Variants in MYO7B observed in about 807,000 individuals in gnomAD.
The protein encoded by MYO7B is myosin VIIB, also known as unconventional myosin-VIIb.
In MYO7B, 212 loss-of-function variants were observed where a neutral mutation model predicts 259.7. The observed-to-expected ratio is 0.82, with a 90% CI of 0.73 to 0.91. MYO7B has a LOEUF of 0.91. Ranked by LOEUF, MYO7B falls within the 40% of genes least tolerant of loss-of-function variation. The pLI, the probability that MYO7B is intolerant of heterozygous loss-of-function variation, is 0.00. For missense variants in MYO7B, 2,732 were observed against 2,813.5 expected (o/e 0.97, Z 0.66); for synonymous variants, 1,197 against 1,166.4 (o/e 1.03, Z -0.54).
At chr2:127,601,374 G>A (rs1220674441) in intron 19 of MYO7B, among the ~76,000 whole-genome samples, 1 of 152,172 alleles carries the variant, frequency 6.6e-6, no homozygotes, top group African/African-American at 2.4e-5. Flanking sequence ...TATTGTTGCT[G>A]ATTTTCTGTC....
At chr2:127,555,979 G>T (rs566482276) in intron 1 of MYO7B, among the ~76,000 whole-genome samples, 1 of 152,192 alleles carries the variant, frequency 6.6e-6, no homozygotes, top group Non-Finnish European at 1.5e-5. Context: ...GACCTGCCTA[G>T]TGCTGCCAGT....
rs1461847021 is a variant in MYO7B at position 127,607,392 on chromosome 2, G to A, written c.2611G>A (p.Ala871Thr). 6.4e-7 allele frequency: 1 copy of A among 1,551,260 alleles called. No homozygotes were observed. The highest frequency in any genetic ancestry group is 1.2e-5 in the South Asian group (1 of 84,054). Reference protein sequence around the residue: ...VIQAHARGMAARRNFQQRKAN... With the variant: ...VIQAHARGMATRRNFQQRKAN... ...TCAGGCCCATGCCAGGGGCATGGCT[G>A]CCCGGCGCAACTTCCAGCAAAGGAA... is the stretch of plus-strand genomic sequence containing the variant. Residue 871 changes from alanine (A) to threonine (T), a missense_variant, in exon 21 of 48, where the codon GCC (alanine) becomes ACC (threonine). Coordinates refer to ENST00000409816, the MANE Select transcript of MYO7B (RefSeq NM_001393586.1). This position sits in a 1 kb window ranked among gnomAD's most constrained non-coding sequence, Gnocchi z 4.4.
intron 40 of MYO7B, among the ~76,000 whole-genome samples, chr2:127,633,834 G>T (rs1388027611): frequency 1.3e-5 from 2 of 152,164 alleles, no homozygotes; most frequent in Admixed American, 6.5e-5. Context: ...GGGCTGAGAG[G>T]CCAAAGTGGG....
rs892203835 is a variant in MYO7B, at chr2:127,636,129, G to A, written c.6007-79G>A. 90 of 1,249,988 alleles carry A rather than the reference G, an allele frequency of 7.2e-5. No homozygotes were observed. The Admixed American group carries it at 1.7e-3, about 23-fold the overall frequency. The allele number at this position is 1,249,988 out of a possible 1,614,324, so 77.4% of individuals were successfully genotyped here. On this transcript the variant is annotated intron_variant, in intron 44 of 47. Transcript: ENST00000409816. The surrounding 1 kb of genome is among the most constrained non-coding windows in gnomAD (Gnocchi z 4.5). ...CCCCTCCCCACCGTACTAGCCCTGG[G>A]GTAGGCAGGTGCTGCCCCCACCAGG...
chr2:127,563,761 G>T (rs1247340550), intron 2 of MYO7B, among the ~76,000 whole-genome samples: 1 of 152,158 alleles, frequency 6.6e-6, no homozygotes, highest in Non-Finnish European at 1.5e-5. Context: ...TTGCTTGTGG[G>T]TGATTTCTGA....
intron 1 of MYO7B, among the ~76,000 whole-genome samples, chr2:127,541,864 G>A (rs1217480983): frequency 6.6e-6 from 1 of 152,232 alleles, no homozygotes; most frequent in Non-Finnish European, 1.5e-5. Context: ...CTCTCCAAGA[G>A]CAGGGTCTCT....
chr2:127,562,302 T>TA (rs1678122510), intron 2 of MYO7B, among the ~76,000 whole-genome samples: 1 of 152,044 alleles, frequency 6.6e-6, no homozygotes, highest in Admixed American at 6.5e-5. Context: ...TTTTATTTTT[T>TA]ATTTATGTAT....
intron 14 of MYO7B, among the ~76,000 whole-genome samples, chr2:127,587,321 G>A (rs1679342885): frequency 6.6e-6 from 1 of 152,248 alleles, no homozygotes; most frequent in South Asian, 2.1e-4. Context: ...TCACCCGCTG[G>A]AGCCATGCCT....
At chr2:127,563,001 G>T (rs1472522892) in intron 2 of MYO7B, among the ~76,000 whole-genome samples, 1 of 152,068 alleles carries the variant, frequency 6.6e-6, no homozygotes, top group East Asian at 1.9e-4. Flanking sequence ...TATAATCAGG[G>T]TATGTTCTCC....
intron 2 of MYO7B, among the ~76,000 whole-genome samples, chr2:127,561,120 C>T (rs902606337): frequency 6.6e-6 from 1 of 152,060 alleles, no homozygotes; most frequent in Non-Finnish European, 1.5e-5. Context: ...AGGAATATGC[C>T]ACGGGATGCA....
At position 127,585,764 on chromosome 2, in the gene MYO7B, T is replaced by C. The variant is rs565299587; in HGVS notation, c.1690+851T>C. ...ATGTGATTGTCTGTCTTTGTTATTA[T>C]AGCTACCCTAGTGGGTTTGAAGTCT... On this transcript the variant is annotated intron_variant, in intron 14 of 47. Transcript: ENST00000409816. The surrounding 1 kb of genome is among the most constrained non-coding windows in gnomAD (Gnocchi z 4.3). Among the ~76,000 whole-genome samples, 3 of 152,348 alleles carry C rather than the reference T, an allele frequency of 2.0e-5. No individual in the cohort carries two copies. Among genetic ancestry groups the C allele is most frequent in the South Asian group, 2.1e-4 (1 of 4,826 alleles).
At chr2:127,547,393 T>G (rs1693275829) in intron 1 of MYO7B, among the ~76,000 whole-genome samples, 1 of 152,182 alleles carries the variant, frequency 6.6e-6, no homozygotes, top group Non-Finnish European at 1.5e-5. Flanking sequence ...GCATGTATGG[T>G]AACACACGTG....
At chr2:127,637,090 G>A in intron 47 of MYO7B, 177 bp downstream of exon 47, 1 of 1,199,324 alleles carries the variant, frequency 8.3e-7, no homozygotes, top group South Asian at 1.3e-5. Context: ...AGCCAAGGTG[G>A]CAAGGCCAGG....
At chr2:127,608,615 C>A in intron 21 of MYO7B, 93 bp from the exon 22 acceptor site, 1 of 1,385,618 alleles carries the variant, frequency 7.2e-7, no homozygotes, top group Non-Finnish European at 9.7e-7. Flanking sequence ...GCTTACTTGG[C>A]TTCTGGGAGG....
rs983411724 is a variant in MYO7B at position 127,628,115 on chromosome 2, C to A, written c.4461-257C>A. ...AGTGTCCCTGCGGTGTCACTGCACA[C>A]CAGCCACCTCATTATCTGCCCACAG... On this transcript the variant is annotated intron_variant, in intron 33 of 47. Transcript: ENST00000409816. The surrounding 1 kb of genome is among the most constrained non-coding windows in gnomAD (Gnocchi z 4.8). 1.5e-6 allele frequency: 1 copy of A among 646,232 alleles called. No homozygotes were observed. Among genetic ancestry groups the A allele is most frequent in the African/African-American group, 1.8e-5 (1 of 55,878 alleles). The allele number at this position is 646,232 out of a possible 1,614,324, so 40.0% of individuals were successfully genotyped here.
intron 1 of MYO7B, among the ~76,000 whole-genome samples, chr2:127,556,680 G>A (rs1194712284): frequency 6.6e-6 from 1 of 152,190 alleles, no homozygotes; most frequent in Admixed American, 6.5e-5. Flanking sequence ...ATTCTTGGCT[G>A]ATAATTGTTT....
intron 1 of MYO7B, among the ~76,000 whole-genome samples, chr2:127,542,666 T>C (rs1233850574): frequency 6.6e-6 from 1 of 152,112 alleles, no homozygotes; most frequent in Non-Finnish European, 1.5e-5. Context: ...AGACAAAGTA[T>C]AGAGAAAGAA....
rs147155658 is a variant in MYO7B at position 127,560,869 on chromosome 2, G to A, written c.18+1129G>A. ...CTGCTGCGAGGAGGACCTTCACTAC[G>A]CAGCGGCCCCTGGTGCTGCCACTAA... is the stretch of plus-strand genomic sequence containing the variant. On this transcript the variant is annotated intron_variant, in intron 2 of 47. Coordinates refer to ENST00000409816, the MANE Select transcript of MYO7B (RefSeq NM_001393586.1). Among the ~76,000 whole-genome samples the A allele has an allele frequency of 1.8e-4, 28 of 152,302 alleles. No homozygotes were observed. The Middle Eastern group carries it at 0.01, about 56-fold the overall frequency.
At position 127,633,286 on chromosome 2, in the gene MYO7B, C is replaced by CAGGTGG. The variant is rs761838271; in HGVS notation, c.5444_5449dup (p.Val1815_Glu1816dup). 1.9e-6 allele frequency: 3 copies of CAGGTGG among 1,612,466 alleles called. No homozygotes were observed. The highest frequency in any genetic ancestry group is 3.3e-5 in the Admixed American group (2 of 59,970). On this transcript the variant is annotated inframe_insertion, in exon 40 of 48. Transcript: ENST00000409816. ...GGGGCCCCGGAAGCAGCCCCCGCAC[C>CAGGTGG]AGGTGGAGGTGGAGGCCGCAGAGCA...
Sources: allele counts gnomAD v4.1 joint callset (sites outside exome capture counted in the v4.1 genomes callset), GRCh38; gene constraint gnomAD v4.1.1; non-coding constraint Gnocchi (gnomAD v3.1); transcripts MANE v1.5; gene names NCBI Gene and HGNC (gene_info 2026-07-23, HGNC 2026-07-21).